The following BORCS5 variants were observed in gnomAD, a reference collection of about 807,000 sequenced individuals.
BORCS5 encodes BLOC-1 related complex subunit 5.
BORCS5 carries 17 observed loss-of-function variants against 22.1 expected under a neutral mutation model. The ratio of observed to expected loss-of-function variants is 0.77; its 90% CI spans 0.53 to 1.15. The LOEUF (loss-of-function observed/expected upper bound fraction) is 1.15. Among genes scored for constraint, BORCS5 ranks in the 50% most tolerant of loss-of-function variants. The pLI is 0.00. For missense variants in BORCS5, 247 were observed against 253.2 expected (o/e 0.98, Z 0.17); for synonymous variants, 117 against 99.8 (o/e 1.17, Z -1.03).
At chr12:12,396,718 TGA>T (rs1394403272) in intron 2 of BORCS5, among the ~76,000 whole-genome samples, 1 of 152,218 alleles carries the variant, frequency 6.6e-6, no homozygotes, top group Non-Finnish European at 1.5e-5. Flanking sequence ...ATGTTTAAAC[TGA>T]GAGTGAATAT....
chr12:12,455,040 A>G (rs1942973779), intron 3 of BORCS5, among the ~76,000 whole-genome samples: 1 of 152,258 alleles, frequency 6.6e-6, no homozygotes, highest in African/African-American at 2.4e-5. Context: ...TCTTCAAATA[A>G]CAGATTGTTA....
At position 12,422,055 on chromosome 12, in the gene BORCS5, G is replaced by C. The variant is rs186954972; in HGVS notation, c.203-13573G>C. On this transcript the variant is annotated intron_variant, in intron 2 of 3. Transcript: ENST00000314565. ...GGTTTTTATGTCTCTGTCTCTTTCA[G>C]TTCTGCTCTGATCTTAGTTATTTCT... is the stretch of plus-strand genomic sequence containing the variant. 2.0e-3 allele frequency among the ~76,000 whole-genome samples: 311 copies of C among 152,058 alleles called. 2 individuals carry two copies. Among genetic ancestry groups the C allele is most frequent in the African/African-American group, 7.2e-3 (299 of 41,476 alleles).
At chr12:12,395,215 T>C (rs1192251512) in intron 2 of BORCS5, among the ~76,000 whole-genome samples, 3 of 151,458 alleles carry the variant, frequency 2.0e-5, no homozygotes, top group Non-Finnish European at 4.4e-5. Flanking sequence ...GTGATCACTC[T>C]GTGACCAAAG....
intron 2 of BORCS5, among the ~76,000 whole-genome samples, chr12:12,390,565 T>C (rs1424213030): frequency 1.3e-5 from 2 of 151,378 alleles, no homozygotes; most frequent in African/African-American, 2.4e-5. Flanking sequence ...GGCAGGAGGA[T>C]CACCTGAGGC....
rs536526732 is a variant in BORCS5, at chr12:12,405,093, C to G, written c.203-30535C>G. Among the ~76,000 whole-genome samples the G allele has an allele frequency of 3.1e-4, 47 of 152,274 alleles. 1 individual carries two copies. The highest frequency in any genetic ancestry group is 1.3e-3 in the Admixed American group (20 of 15,292). ...AACTGGGAAGAGAGAGCAGGAATGT[C>G]AACAATAATACAGAAGAAGGGTTCT... On this transcript the variant is annotated intron_variant, in intron 2 of 3. Transcript: ENST00000314565.
chr12:12,460,418 G>A (rs957097847), intron 3 of BORCS5, among the ~76,000 whole-genome samples: 1 of 152,154 alleles, frequency 6.6e-6, no homozygotes, highest in Non-Finnish European at 1.5e-5. Flanking sequence ...TTTTCTAAGT[G>A]TATTATCATG....
chr12:12,454,168 A>G (rs75062082), intron 3 of BORCS5, among the ~76,000 whole-genome samples: 10,273 of 152,302 alleles, frequency 0.067, 429 homozygotes, highest in Middle Eastern at 0.11. Flanking sequence ...TTGGGTGAAC[A>G]TATAATTTAC....
At chr12:12,414,483 C>T (rs1941860708) in intron 2 of BORCS5, among the ~76,000 whole-genome samples, 1 of 78,524 alleles carries the variant, frequency 1.3e-5, no homozygotes, top group Non-Finnish European at 2.7e-5. Context: ...GGCAGAGGGG[C>T]TCCTCACTTC....
chr12:12,411,595 A>G (rs1055799162), intron 2 of BORCS5, among the ~76,000 whole-genome samples: 20 of 152,284 alleles, frequency 1.3e-4, no homozygotes, highest in Middle Eastern at 3.4e-3. Flanking sequence ...CTTTTCATGC[A>G]TAAAGTTTTA....
At chr12:12,366,089 T>G (rs1294149411) in intron 2 of BORCS5, among the ~76,000 whole-genome samples, 1 of 152,208 alleles carries the variant, frequency 6.6e-6, no homozygotes, top group Non-Finnish European at 1.5e-5. Context: ...GCCTTTATAC[T>G]CTGACTCTTT....
At chr12:12,433,904 G>A (rs911255997) in intron 2 of BORCS5, among the ~76,000 whole-genome samples, 1 of 152,158 alleles carries the variant, frequency 6.6e-6, no homozygotes, top group African/African-American at 2.4e-5. Flanking sequence ...CCTGTCTGGA[G>A]GGAGAGAATA....
chr12:12,418,414 A>T (rs569234904), intron 2 of BORCS5, among the ~76,000 whole-genome samples: 1 of 152,248 alleles, frequency 6.6e-6, no homozygotes, highest in South Asian at 2.1e-4. Context: ...GGTCAGCTAC[A>T]GTAACTCACT....
Position 12,361,223 on chromosome 12 carries a change from A to G in BORCS5, c.76A>G (p.Lys26Glu), listed in dbSNP as rs773102903. ...ATTTTCAGTGACTCCTTCACCAGCC[A>G]AGCATAGAGCCAAGATGGATGATAT... ...LNSSVTPSPA[K>E]HRAKMDDIVV... The change falls in exon 2 of 4, where the codon AAG becomes GAG. Residue 26 changes from lysine (K) to glutamate (E), a missense_variant. Lys to Glu is a moderately conservative substitution (Grantham distance 56, BLOSUM62 1). Coordinates refer to ENST00000314565, the MANE Select transcript of BORCS5 (RefSeq NM_058169.6). The G allele has an allele frequency of 1.4e-4, 218 of 1,613,948 alleles. No homozygotes were observed. Among genetic ancestry groups the G allele is most frequent in the Non-Finnish European group, 1.6e-4 (187 of 1,179,972 alleles).
At chr12:12,432,881 A>G (rs1942462899) in intron 2 of BORCS5, among the ~76,000 whole-genome samples, 1 of 152,234 alleles carries the variant, frequency 6.6e-6, no homozygotes, top group Non-Finnish European at 1.5e-5. Flanking sequence ...AAAGATGGAA[A>G]GGGGGATGAG....
Position 12,385,218 on chromosome 12 carries a change from A to G in BORCS5, c.202+23869A>G, listed in dbSNP as rs556623115. On this transcript the variant is annotated intron_variant, in intron 2 of 3. Coordinates refer to ENST00000314565, the MANE Select transcript of BORCS5 (RefSeq NM_058169.6). The stretch of plus-strand genomic sequence containing the variant: ...TCAGGTCTCTGCTGCAAATGCATAC[A>G]GCCTTAGCTAGGAGTAAGCTTGCCC... Among the ~76,000 whole-genome samples the G allele has an allele frequency of 1.1e-4, 16 of 151,568 alleles. No individual in the cohort carries two copies. In the East Asian group the frequency reaches 2.7e-3, roughly 26 times the overall value.
At chr12:12,371,119 C>G (rs1310966209) in intron 2 of BORCS5, among the ~76,000 whole-genome samples, 1 of 152,048 alleles carries the variant, frequency 6.6e-6, no homozygotes, top group South Asian at 2.1e-4. Context: ...ATATAATGTT[C>G]CAGACTTATT....
chr12:12,404,401 G>A (rs918351717), intron 2 of BORCS5, among the ~76,000 whole-genome samples: 18 of 152,298 alleles, frequency 1.2e-4, no homozygotes, highest in African/African-American at 4.1e-4. Context: ...CTTCTAGAGT[G>A]GATGAACACT....
At chr12:12,409,972 G>C (rs1175653040) in intron 2 of BORCS5, among the ~76,000 whole-genome samples, 1 of 143,270 alleles carries the variant, frequency 7.0e-6, no homozygotes, top group Non-Finnish European at 1.6e-5. Context: ...TCATTTCTCT[G>C]ATGGCCAGTG....
At chr12:12,418,569 C>T (rs1419851955) in intron 2 of BORCS5, among the ~76,000 whole-genome samples, 1 of 152,116 alleles carries the variant, frequency 6.6e-6, no homozygotes, top group East Asian at 1.9e-4. Context: ...TGTCTGTAGT[C>T]CCAGCTACTT....
Sources: allele counts gnomAD v4.1 joint callset (sites outside exome capture counted in the v4.1 genomes callset), GRCh38; gene constraint gnomAD v4.1.1; transcripts MANE v1.5; gene names NCBI Gene and HGNC (gene_info 2026-07-23, HGNC 2026-07-21).